RIMBP2: variants seen among roughly 807,000 people sequenced by gnomAD.
RIMBP2 encodes the protein RIMS binding protein 2.
Under a neutral mutation model 118.6 loss-of-function variants are expected in RIMBP2, and 48 were observed. The ratio of observed to expected loss-of-function variants is 0.40; its 90% confidence interval spans 0.32 to 0.51. RIMBP2 has a LOEUF of 0.51. Ranked by LOEUF, RIMBP2 falls within the 20% of genes least tolerant of loss-of-function variation. The pLI is 0.41. For synonymous variants in RIMBP2, 762 were observed against 742.9 expected (o/e 1.03, Z -0.42); for missense variants, 1,551 against 1,768.3 (o/e 0.88, Z 2.20).
rs538816291 is a variant in RIMBP2 at position 130,590,199 on chromosome 12, G to A, written c.-217+38123C>T. On this transcript the variant is annotated intron_variant, in intron 2 of 22. Transcript: ENST00000690449. ...AATGCCAAGCGGTCTCCCCAATGAG[G>A]GCTCTCAGCACAGCACTGGACATGA... is the stretch of plus-strand genomic sequence containing the variant. 2.0e-5 allele frequency among the ~76,000 whole-genome samples: 3 copies of A among 152,260 alleles called. No individual in the cohort carries two copies. In the South Asian group the frequency reaches 6.2e-4, roughly 32 times the overall value.
Position 130,646,411 on chromosome 12 carries a change from C to T in RIMBP2, c.-351-17955G>A, listed in dbSNP as rs1346237933. Among the ~76,000 whole-genome samples the T allele has an allele frequency of 7.8e-5, 10 of 127,802 alleles. 1 individual carries two copies. The highest frequency in any genetic ancestry group is 1.4e-4 in the Non-Finnish European group (8 of 56,258). 83.8% of individuals were successfully genotyped at this position (127,802 alleles called of 152,430 possible). A position where few individuals can be genotyped will look rare whatever the true frequency, so the allele number is the denominator to read the frequency against. On this transcript the variant is annotated intron_variant, in intron 1 of 22. Transcript: ENST00000690449. ...CCTCCCTCACCACCTGCCTCTCCAC[C>T]TCCCTCACCACTTCCCTCTCCACCT...
At chr12:130,432,737 G>A (rs1046939920) in intron 14 of RIMBP2, among the ~76,000 whole-genome samples, 7 of 152,170 alleles carry the variant, frequency 4.6e-5, no homozygotes, top group Admixed American at 6.5e-5. Context: ...CTGGTGCCTC[G>A]GCCCTGGACT....
chr12:130,686,925 C>T (rs1288600498), intron 1 of RIMBP2, among the ~76,000 whole-genome samples: 2 of 152,198 alleles, frequency 1.3e-5, no homozygotes, highest in Non-Finnish European at 2.9e-5. Context: ...CTGTTTGCAC[C>T]AACTCATTTG....
intron 2 of RIMBP2, among the ~76,000 whole-genome samples, chr12:130,569,147 G>A (rs2057444888): frequency 6.6e-6 from 1 of 152,152 alleles, no homozygotes; most frequent in African/African-American, 2.4e-5. Context: ...TCCACACACT[G>A]CTAGTCCAGG....
chr12:130,648,996 G>A (rs974253340), intron 1 of RIMBP2, among the ~76,000 whole-genome samples: 3 of 145,454 alleles, frequency 2.1e-5, no homozygotes, highest in African/African-American at 7.4e-5. Flanking sequence ...GTTAAATACT[G>A]TGGGCCCTGA....
chr12:130,692,341 C>T (rs1406221899), intron 1 of RIMBP2, among the ~76,000 whole-genome samples: 1 of 152,270 alleles, frequency 6.6e-6, no homozygotes, highest in Middle Eastern at 3.4e-3. Context: ...CTACCCCTTC[C>T]CTCTCCTCCC....
At chr12:130,410,516 A>G (rs2075629408) in intron 19 of RIMBP2, among the ~76,000 whole-genome samples, 1 of 152,166 alleles carries the variant, frequency 6.6e-6, no homozygotes, top group African/African-American at 2.4e-5. Context: ...TGAAACTATG[A>G]TCCATTTTTA....
chr12:130,570,253 G>A (rs953061553), intron 2 of RIMBP2, among the ~76,000 whole-genome samples: 5 of 151,960 alleles, frequency 3.3e-5, no homozygotes, highest in African/African-American at 4.8e-5. Context: ...GTAAAGGCCC[G>A]TCTCTATAAA....
intron 6 of RIMBP2, among the ~76,000 whole-genome samples, chr12:130,467,070 C>A (rs1316052696): frequency 1.3e-5 from 2 of 152,240 alleles, no homozygotes; most frequent in Non-Finnish European, 2.9e-5. Context: ...TGCTTCTAAC[C>A]TCCAAGCTGT....
chr12:130,412,163 T>C (rs148708363), intron 19 of RIMBP2, among the ~76,000 whole-genome samples: 53 of 151,880 alleles, frequency 3.5e-4, no homozygotes, highest in African/African-American at 1.2e-3. Flanking sequence ...AATGAAGGAG[T>C]TTCATGTCTA....
At position 130,442,742 on chromosome 12, in the gene RIMBP2, C is replaced by T. The variant is rs1195406401; in HGVS notation, c.692-82G>A. 1.7e-6 allele frequency: 2 copies of T among 1,204,532 alleles called. No individual in the cohort carries two copies. The highest frequency in any genetic ancestry group is 3.0e-5 in the African/African-American group (2 of 65,574). The allele number at this position is 1,204,532 out of a possible 1,614,324, so 74.6% of individuals were successfully genotyped here. On this transcript the variant is annotated intron_variant, in intron 10 of 22. Coordinates refer to ENST00000690449, the MANE Select transcript of RIMBP2 (RefSeq NM_001393629.1). The surrounding 1 kb of genome is among the most constrained non-coding windows in gnomAD (Gnocchi z 6.9). ...CCCCAGTGTACTCCCACCTCCCCCA[C>T]CAGGACCATAAGGCAGAGCAACAGG...
intron 1 of RIMBP2, chr12:130,657,829 A>AT (rs2063493638): frequency 6.6e-6 from 1 of 152,310 alleles, no homozygotes; most frequent in Admixed American, 6.5e-5. Context: ...TCAGTGTGCG[A>AT]TCCCCAACCT....
At chr12:130,595,769 C>A (rs1240468511) in intron 2 of RIMBP2, among the ~76,000 whole-genome samples, 2 of 152,166 alleles carry the variant, frequency 1.3e-5, no homozygotes. Flanking sequence ...CTGAGCAGGG[C>A]AAACGCCCTG....
rs1400645060 is a variant in RIMBP2 at position 130,576,875 on chromosome 12, A to AGAGACC, written c.-217+51441_-217+51446dup. On this transcript the variant is annotated intron_variant, in intron 2 of 22. Coordinates refer to ENST00000690449, the MANE Select transcript of RIMBP2 (RefSeq NM_001393629.1). The surrounding 1 kb of genome is among the most constrained non-coding windows in gnomAD (Gnocchi z 4.2). ...TGGGAGCAAATATCTCCATGTAGAA[A>AGAGACC]GAGACCGACAGTGTGGCAGGAGTCG... 6.6e-6 allele frequency among the ~76,000 whole-genome samples: 1 copy of AGAGACC among 152,324 alleles called. No individual in the cohort carries two copies. The highest frequency in any genetic ancestry group is 1.9e-4 in the East Asian group (1 of 5,160).
intron 6 of RIMBP2, among the ~76,000 whole-genome samples, chr12:130,463,057 G>A (rs1478885130): frequency 1.3e-5 from 2 of 152,234 alleles, no homozygotes; most frequent in Non-Finnish European, 2.9e-5. Context: ...GTGACTGCCA[G>A]GGGGGTCCCT....
At chr12:130,582,323 A>G (rs2058535638) in intron 2 of RIMBP2, among the ~76,000 whole-genome samples, 1 of 152,192 alleles carries the variant, frequency 6.6e-6, no homozygotes, top group Non-Finnish European at 1.5e-5. Context: ...GCACACCTGA[A>G]TGAATGAATC....
intron 2 of RIMBP2, among the ~76,000 whole-genome samples, chr12:130,541,399 A>C (rs1877981): frequency 0.62 from 93,505 of 151,660 alleles, 30,754 homozygotes; most frequent in Non-Finnish European, 0.74. Context: ...ATGCTGAGGC[A>C]TTTTGGAATG....
intron 2 of RIMBP2, among the ~76,000 whole-genome samples, chr12:130,533,970 A>C (rs1239035620): frequency 6.6e-6 from 1 of 151,482 alleles, no homozygotes; most frequent in Non-Finnish European, 1.5e-5. Context: ...GTTCGAGACC[A>C]GCCTGGCCAA....
chr12:130,522,754 C>T (rs2052285696), intron 2 of RIMBP2, among the ~76,000 whole-genome samples: 2 of 152,100 alleles, frequency 1.3e-5, no homozygotes, highest in Non-Finnish European at 2.9e-5. Flanking sequence ...GCCCACAGTG[C>T]CTGAGGCTGT....
Sources: gnomAD v4.1 joint callset for allele counts (sites outside exome capture counted in the v4.1 genomes callset) on GRCh38, gnomAD v4.1.1 for gene constraint, Gnocchi (gnomAD v3.1) non-coding constraint, MANE v1.5 for transcripts, NCBI Gene and HGNC (gene_info 2026-07-23, HGNC 2026-07-21) for gene names.